NTRK1: variants seen among roughly 807,000 people sequenced by gnomAD.
The protein encoded by NTRK1 is high affinity nerve growth factor receptor.
NTRK1 carries 62 observed loss-of-function variants against 86.8 expected under a neutral mutation model. That is an observed-to-expected ratio of 0.71 (90% CI 0.58 to 0.88). The LOEUF (loss-of-function observed/expected upper bound fraction) is 0.88, where lower values mean the gene tolerates loss of function less well. Among genes scored for constraint, NTRK1 ranks in the 40% least tolerant of loss-of-function variants. The probability of loss-of-function intolerance (pLI) is 0.00; values close to 1 mark genes in which losing one functional copy is unlikely to be tolerated. For missense variants in NTRK1, 967 were observed against 1,078.4 expected (o/e 0.90, Z 1.45); for synonymous variants, 469 against 456.6 (o/e 1.03, Z -0.35).
intron 1 of NTRK1, among the ~76,000 whole-genome samples, chr1:156,835,676 T>C (rs1340398039): frequency 6.6e-6 from 1 of 152,188 alleles, no homozygotes. Flanking sequence ...TGGCCATCTT[T>C]CCATGTCACT....
At chr1:156,836,218 G>C (rs1230317954) in intron 1 of NTRK1, among the ~76,000 whole-genome samples, 1 of 152,136 alleles carries the variant, frequency 6.6e-6, no homozygotes, top group Non-Finnish European at 1.5e-5. Flanking sequence ...TGAGCAGAAA[G>C]TCCCCCTGTT....
Position 156,847,880 on chromosome 1 carries a change from G to C in NTRK1, c.50+5687G>C, listed in dbSNP as rs61562052. On this transcript the variant is annotated intron_variant, in intron 2 of 16. Coordinates refer to the NTRK1 transcript ENST00000392302. ...AGGTTCTCTGCTCTTTGAGCCCAGA[G>C]ACAGCTGTGTATAGTTGTGCAGATT... Among the ~76,000 whole-genome samples, 921 of 152,300 alleles carry C rather than the reference G, an allele frequency of 6.0e-3. 15 individuals are homozygous for C. The highest frequency in any genetic ancestry group is 0.021 in the African/African-American group (878 of 41,548).
intron 5 of NTRK1, 28 bp downstream of exon 5, chr1:156,868,277 A>G (rs376731325): frequency 1.9e-6 from 3 of 1,602,834 alleles, no homozygotes; most frequent in African/African-American, 2.7e-5. Flanking sequence ...GAGGTGGTGT[A>G]AGGGGGCTGG....
At chr1:156,852,197 G>C (rs1655241053) in intron 2 of NTRK1, 4 of 1,582,974 alleles carry the variant, frequency 2.5e-6, no homozygotes, top group Non-Finnish European at 3.4e-6. Context: ...GCACACTGTG[G>C]GGAGAGTGGT....
At chr1:156,843,325 G>T (rs992318044) in intron 2 of NTRK1, 2 of 1,563,806 alleles carry the variant, frequency 1.3e-6, no homozygotes, top group African/African-American at 1.4e-5. Flanking sequence ...AAGGGCTCTT[G>T]TCCCAAGGCT....
intron 7 of NTRK1, among the ~76,000 whole-genome samples, chr1:156,872,897 T>C (rs2102902806): frequency 6.6e-6 from 1 of 152,188 alleles, no homozygotes; most frequent in Non-Finnish European, 1.5e-5. Flanking sequence ...CAGGATGGTC[T>C]CGATCTCCTG....
chr1:156,871,605 C>T lies in NTRK1; in HGVS notation c.718-18C>T, dbSNP rs537274456. ...GGCTAAAGCTCCTTCTTATTCCCCC[C>T]TCTCTTTCCTGATCTAGAAATCTGG... On this transcript the variant is annotated intron_variant, in intron 6 of 16. Transcript: ENST00000524377. 19 of 1,613,910 alleles carry T rather than the reference C, an allele frequency of 1.2e-5. No homozygotes were observed. Among genetic ancestry groups the T allele is most frequent in the Non-Finnish European group, 1.6e-5 (19 of 1,179,976 alleles).
At chr1:156,866,801 G>T (rs537829454) in intron 3 of NTRK1, 109 bp from the exon 4 acceptor site, 8 of 1,186,882 alleles carry the variant, frequency 6.7e-6, no homozygotes, top group Admixed American at 1.7e-5. Flanking sequence ...AGGCCGGGGC[G>T]GGGGAGCCAG....
chr1:156,842,993 C>T (rs1027636709), intron 2 of NTRK1: 12 of 1,601,298 alleles, frequency 7.5e-6, no homozygotes, highest in Non-Finnish European at 8.6e-6. Flanking sequence ...ATGCCCTTGG[C>T]TCTCCCTTAC....
chr1:156,841,383 A>T (rs1348771871), intron 1 of NTRK1: 1 of 1,612,502 alleles, frequency 6.2e-7, no homozygotes, highest in African/African-American at 1.3e-5. Flanking sequence ...GGGGCAGGGG[A>T]GGTGACTCAC....
intron 1 of NTRK1, chr1:156,837,683 C>T (rs980003870): frequency 6.6e-6 from 1 of 152,424 alleles, no homozygotes; most frequent in Middle Eastern, 3.4e-3. Context: ...AAGACCTTCA[C>T]TGTGGGTTGG....
intron 1 of NTRK1, among the ~76,000 whole-genome samples, chr1:156,824,416 A>G (rs941200828): frequency 7.9e-5 from 12 of 152,350 alleles, no homozygotes; most frequent in Non-Finnish European, 1.5e-4. Context: ...TTGAAGAAGC[A>G]GTAAAATAGA....
intron 14 of NTRK1, among the ~76,000 whole-genome samples, chr1:156,877,840 G>A (rs1238822013): frequency 2.0e-5 from 3 of 152,234 alleles, no homozygotes; most frequent in Non-Finnish European, 2.9e-5. Flanking sequence ...AGACCCCTGA[G>A]TCTTGGGCTT....
intron 2 of NTRK1, among the ~76,000 whole-genome samples, chr1:156,847,977 C>T (rs1017279820): frequency 2.6e-5 from 4 of 152,146 alleles, no homozygotes; most frequent in Admixed American, 2.0e-4. Context: ...AGAGTGCAGT[C>T]CACAAACCAG....
intron 1 of NTRK1, 105 bp from the exon 2 acceptor site, chr1:156,864,249 G>A (rs942330883): frequency 2.4e-5 from 25 of 1,034,410 alleles, no homozygotes; most frequent in Admixed American, 5.4e-5. Flanking sequence ...GTGCATATGC[G>A]TGTGCATGTG....
At chr1:156,823,737 A>C (rs1654248246) in intron 1 of NTRK1, among the ~76,000 whole-genome samples, 1 of 152,208 alleles carries the variant, frequency 6.6e-6, no homozygotes, top group East Asian at 1.9e-4. Context: ...TCTGCACCTC[A>C]GTGAGAAGGT....
chr1:156,846,485 G>A lies in NTRK1; in HGVS notation c.50+4292G>A, dbSNP rs368553257. The A allele has an allele frequency of 1.3e-4, 206 of 1,539,854 alleles. 2 individuals carry two copies. The highest frequency in any genetic ancestry group is 6.7e-4 in the South Asian group (60 of 89,014). On this transcript the variant is annotated intron_variant, in intron 2 of 16. Transcript: ENST00000392302. The stretch of plus-strand genomic sequence containing the variant: ...CTCCCCTGTTCTCATGGATGCAGGC[G>A]TCTGACTGACTCTTGCACCCTCCAA...
intron 8 of NTRK1, 200 bp from the exon 9 acceptor site, chr1:156,874,182 GC>G (rs1336296906): frequency 7.5e-6 from 7 of 932,856 alleles, no homozygotes; most frequent in Non-Finnish European, 1.2e-5. Flanking sequence ...TGAGGAGACA[GC>G]CATGCAGCAG....
At chr1:156,840,061 G>A (rs1654716241) in intron 1 of NTRK1, 1 of 145,834 alleles carries the variant, frequency 6.9e-6, no homozygotes, top group Admixed American at 7.0e-5. Flanking sequence ...CTGGGACCAG[G>A]GTACAAACAG....
Sources: gnomAD v4.1 joint callset for allele counts (sites outside exome capture counted in the v4.1 genomes callset) on GRCh38, gnomAD v4.1.1 for gene constraint, MANE v1.5 for transcripts, NCBI Gene and HGNC (gene_info 2026-07-23, HGNC 2026-07-21) for gene names.